The following STAG1 variants were observed in gnomAD, a reference collection of about 807,000 sequenced individuals.
STAG1 encodes cohesin subunit SA-1.
Under a neutral mutation model 170.9 loss-of-function variants are expected in STAG1, and 26 were observed. That is an observed-to-expected ratio of 0.15 (90% CI 0.11 to 0.21). The LOEUF is 0.21. Ranked by LOEUF, STAG1 falls within the 10% of genes least tolerant of loss-of-function variation. The pLI, the probability that STAG1 is intolerant of heterozygous loss-of-function variation, is 1.00. For synonymous variants in STAG1, 514 were observed against 497.7 expected, an observed-to-expected ratio of 1.03 and a Z score of -0.44; for missense variants, 964 against 1,509.5, an observed-to-expected ratio of 0.64 and a Z score of 5.99.
chr3:136,607,249 C>T (rs2107811454), intron 3 of STAG1, among the ~76,000 whole-genome samples: 1 of 152,230 alleles, frequency 6.6e-6, no homozygotes, highest in Non-Finnish European at 1.5e-5. Flanking sequence ...TAGGAAGTTC[C>T]ACTCCACCTC....
At chr3:136,544,669 G>A (rs1936073679) in intron 5 of STAG1, among the ~76,000 whole-genome samples, 1 of 151,520 alleles carries the variant, frequency 6.6e-6, no homozygotes, top group Admixed American at 6.6e-5. Context: ...GGAGGCTGAG[G>A]CACAAGAATC....
chr3:136,646,617 A>G (rs1286067879), intron 1 of STAG1, among the ~76,000 whole-genome samples: 2 of 152,174 alleles, frequency 1.3e-5, no homozygotes, highest in South Asian at 2.1e-4. Flanking sequence ...ATAAGATGAC[A>G]GTAGTTAAAA....
intron 1 of STAG1, among the ~76,000 whole-genome samples, chr3:136,657,580 G>C (rs557385093): frequency 4.9e-4 from 75 of 152,268 alleles, no homozygotes; most frequent in Non-Finnish European, 3.2e-4. Flanking sequence ...CAAACATTTT[G>C]GGAGGCTAAA....
intron 9 of STAG1, among the ~76,000 whole-genome samples, chr3:136,493,162 C>T (rs888112246): frequency 5.9e-5 from 9 of 151,876 alleles, no homozygotes; most frequent in South Asian, 2.1e-4. Context: ...GGCAACATGG[C>T]GAAACTTCGT....
intron 6 of STAG1, among the ~76,000 whole-genome samples, chr3:136,528,494 A>ACC (rs34484071): frequency 0.054 from 3,877 of 71,166 alleles, 345 homozygotes; most frequent in Non-Finnish European, 0.061. Context: ...ATGTCCCCGC[A>ACC]CCCCCCCCCC....
chr3:136,621,868 G>T (rs1939865245), intron 3 of STAG1, among the ~76,000 whole-genome samples: 2 of 151,770 alleles, frequency 1.3e-5, no homozygotes, highest in African/African-American at 4.8e-5. Flanking sequence ...CCTGTGTCAT[G>T]ACTCTAACCA....
At chr3:136,717,316 CA>C (rs1241762543) in intron 1 of STAG1, among the ~76,000 whole-genome samples, 1 of 152,154 alleles carries the variant, frequency 6.6e-6, no homozygotes, top group Non-Finnish European at 1.5e-5. Flanking sequence ...TTACTATAAA[CA>C]GTTATTGATT....
At chr3:136,452,250 A>G in intron 13 of STAG1, 103 bp from the exon 14 acceptor site, 2 of 725,836 alleles carry the variant, frequency 2.8e-6, no homozygotes, top group Non-Finnish European at 4.9e-6. Flanking sequence ...AACAACAAAA[A>G]GGGGGAGCAG....
intron 21 of STAG1, among the ~76,000 whole-genome samples, chr3:136,403,276 A>AAAAAGG: frequency 1.3e-5 from 2 of 150,566 alleles, no homozygotes; most frequent in Non-Finnish European, 1.5e-5. Context: ...AAAAAAAAAG[A>AAAAAGG]AAAAGGAAAA....
chr3:136,628,101 G>A (rs113097912), intron 2 of STAG1, among the ~76,000 whole-genome samples: 53 of 152,238 alleles, frequency 3.5e-4, no homozygotes, highest in Non-Finnish European at 5.4e-4. Context: ...ACTGGATCAC[G>A]GGAGCAGTTT....
At chr3:136,688,526 C>T (rs910224850) in intron 1 of STAG1, among the ~76,000 whole-genome samples, 29 of 151,986 alleles carry the variant, frequency 1.9e-4, no homozygotes, top group Admixed American at 1.1e-3. Context: ...CATCTAGCTG[C>T]GATTACAGGC....
intron 4 of STAG1, among the ~76,000 whole-genome samples, chr3:136,571,472 G>C (rs377577871): frequency 6.6e-6 from 1 of 152,112 alleles, no homozygotes; most frequent in African/African-American, 2.4e-5. Flanking sequence ...GGGAGGCTGA[G>C]ATAAGAGGAT....
At chr3:136,353,881 A>G (rs372855755) in intron 28 of STAG1, among the ~76,000 whole-genome samples, 1 of 152,252 alleles carries the variant, frequency 6.6e-6, no homozygotes, top group East Asian at 1.9e-4. Context: ...ACTGATTTAA[A>G]AAGCAAATAT....
intron 29 of STAG1, among the ~76,000 whole-genome samples, chr3:136,344,601 A>C (rs893389984): frequency 6.6e-6 from 1 of 151,502 alleles, no homozygotes; most frequent in Admixed American, 6.6e-5. Context: ...CCAACCCCCC[A>C]CTTACCATTC....
At chr3:136,341,298 C>A (rs1935960617) in intron 31 of STAG1, 143 bp downstream of exon 31, 1 of 584,820 alleles carries the variant, frequency 1.7e-6, no homozygotes, top group South Asian at 2.2e-5. Context: ...AGAACTCACA[C>A]CCTCCTTTCC....
intron 9 of STAG1, among the ~76,000 whole-genome samples, chr3:136,494,528 T>C (rs1208188620): frequency 6.6e-6 from 1 of 152,140 alleles, no homozygotes; most frequent in African/African-American, 2.4e-5. Flanking sequence ...GCACAAATCC[T>C]TAACAAAATA....
chr3:136,557,474 A>G (rs1936668372), intron 5 of STAG1, among the ~76,000 whole-genome samples: 2 of 152,222 alleles, frequency 1.3e-5, no homozygotes, highest in Non-Finnish European at 2.9e-5. Context: ...CATAAACTAG[A>G]AAGCTTTTAT....
In STAG1 at chr3:136,417,116, G is replaced by A. The variant is rs1163468355; in HGVS notation, c.2196+769C>T. 4.6e-5 allele frequency among the ~76,000 whole-genome samples: 7 copies of A among 151,986 alleles called. No individual in the cohort carries two copies. In the East Asian group the frequency reaches 1.2e-3, roughly 25 times the overall value. On this transcript the variant is annotated intron_variant, in intron 21 of 33. Transcript: ENST00000383202. ...CCCTGCCTTGGCTTCCCAAAAGGCT[G>A]GAATTATAGGCGTGAACCACTGTGC...
At chr3:136,528,196 G>A (rs1935165527) in intron 6 of STAG1, among the ~76,000 whole-genome samples, 1 of 152,170 alleles carries the variant, frequency 6.6e-6, no homozygotes, top group Admixed American at 6.5e-5. Flanking sequence ...GTCTACAGAG[G>A]CAGACAGGCC....
Sources: allele counts gnomAD v4.1 joint callset (sites outside exome capture counted in the v4.1 genomes callset), GRCh38; gene constraint gnomAD v4.1.1; transcripts MANE v1.5; gene names NCBI Gene and HGNC (gene_info 2026-07-23, HGNC 2026-07-21).